The following EXT2 variants were observed in gnomAD, a reference collection of about 807,000 sequenced individuals.
EXT2 encodes exostosin glycosyltransferase 2.
EXT2 carries 53 observed loss-of-function variants against 81.6 expected under a neutral mutation model. The observed-to-expected ratio is 0.65, with a 90% confidence interval of 0.52 to 0.82. EXT2 has a LOEUF of 0.82. Among genes scored for constraint, EXT2 ranks in the 40% least tolerant of loss-of-function variants. EXT2 has a pLI of 0.00. For synonymous variants in EXT2, 320 were observed against 340.0 expected (o/e 0.94, Z 0.65); for missense variants, 774 against 910.2 (o/e 0.85, Z 1.93).
chr11:44,194,958 AC>A (rs1955437930), intron 8 of EXT2, among the ~76,000 whole-genome samples: 1 of 152,134 alleles, frequency 6.6e-6, no homozygotes, highest in Non-Finnish European at 1.5e-5. Context: ...CTACTTTCTG[AC>A]TTCAGTTTCC....
At chr11:44,240,396 T>C (rs530308778) in intron 13 of EXT2, among the ~76,000 whole-genome samples, 1 of 152,204 alleles carries the variant, frequency 6.6e-6, no homozygotes, top group South Asian at 2.1e-4. Context: ...TGTTGGTACC[T>C]TACAAAAATA....
Position 44,216,196 on chromosome 11 carries a change from G to A in EXT2, c.1662+9237G>A, listed in dbSNP as rs570675177. Among the ~76,000 whole-genome samples the A allele has an allele frequency of 6.6e-5, 10 of 152,288 alleles. No homozygotes were observed. The South Asian group carries it at 1.7e-3, about 25-fold the overall frequency. ...CGGCCCCATTTGGGAATTTTTAAGA[G>A]AAGGAAGCCAGCAATCCCCCAGCAT... On this transcript the variant is annotated intron_variant, in intron 10 of 13. Transcript: ENST00000533608.
chr11:44,124,473 A>G (rs1272096914), intron 4 of EXT2, among the ~76,000 whole-genome samples: 1 of 151,844 alleles, frequency 6.6e-6, no homozygotes, highest in Non-Finnish European at 1.5e-5. Context: ...ACACACACAC[A>G]CACACACACA....
At chr11:44,185,134 A>G (rs953082857) in intron 8 of EXT2, among the ~76,000 whole-genome samples, 5 of 152,174 alleles carry the variant, frequency 3.3e-5, no homozygotes, top group Non-Finnish European at 7.3e-5. Flanking sequence ...GATCTGGTTT[A>G]ATGTACAAGT....
intron 10 of EXT2, among the ~76,000 whole-genome samples, chr11:44,211,631 G>T (rs937576462): frequency 2.6e-5 from 4 of 152,222 alleles, no homozygotes; most frequent in African/African-American, 7.2e-5. Context: ...AGAAAGGCAG[G>T]TAAAGGGGAA....
Position 44,245,206 on chromosome 11 carries a change from G to A in EXT2, c.*919G>A, listed in dbSNP as rs535005349. On this transcript the variant is annotated 3_prime_UTR_variant, in exon 14 of 14. Transcript: ENST00000533608. ...AAGGTATTGTCAGAGAAAAACAGAGGGTCTGTACTAGCCATGCAAGGAGTC... is the reference window on the plus strand; with the variant it reads ...AAGGTATTGTCAGAGAAAAACAGAGAGTCTGTACTAGCCATGCAAGGAGTC... 4 of 228,570 alleles carry A rather than the reference G, an allele frequency of 1.8e-5. No individual in the cohort carries two copies. The highest frequency in any genetic ancestry group is 8.9e-5 in the African/African-American group (4 of 45,140). 14.2% of individuals were successfully genotyped at this position (228,570 alleles called of 1,614,324 possible).
intron 9 of EXT2, among the ~76,000 whole-genome samples, chr11:44,200,373 C>A (rs1955508959): frequency 6.7e-6 from 1 of 150,344 alleles, no homozygotes; most frequent in South Asian, 2.1e-4. Context: ...GTCCAAATTT[C>A]TGGGTTTTAA....
chr11:44,234,163 T>G lies in EXT2; in HGVS notation c.1855T>G (p.Trp619Gly), dbSNP rs1554940857. 6.2e-7 allele frequency: 1 copy of G among 1,614,160 alleles called. No homozygotes were observed. Among genetic ancestry groups the G allele is most frequent in the Non-Finnish European group, 8.5e-7 (1 of 1,180,014 alleles). ...TYKMPGDIKN[W>G]VDAHMNCEDI... is the part of the protein sequence containing the mutation. Reference sequence around the variant, plus strand: ...CAAAATGCCTGGGGATATCAAGAACTGGGTAGATGCTCATATGAACTGTGA... The same window carrying G: ...CAAAATGCCTGGGGATATCAAGAACGGGGTAGATGCTCATATGAACTGTGA... The change falls in exon 12 of 14, where the codon TGG (tryptophan) becomes GGG (glycine). Residue 619 changes from tryptophan (W) to glycine (G), a missense_variant. By Grantham distance (184) the Trp-to-Gly change is radical. Transcript: ENST00000533608.
rs1956097574 is a variant in EXT2, at chr11:44,246,792, AC to A, written c.*2508del. Reference sequence around the variant, plus strand: ...TCTGAGCTGCTAACCAGCAAACCTCACCCATAAGCTTAGGTCAGGATCATCT... The same window carrying A: ...TCTGAGCTGCTAACCAGCAAACCTCACCATAAGCTTAGGTCAGGATCATCT... On this transcript the variant is annotated 3_prime_UTR_variant, in exon 14 of 14. Coordinates refer to ENST00000533608, the MANE Select transcript of EXT2 (RefSeq NM_207122.2). 6.6e-6 allele frequency among the ~76,000 whole-genome samples: 1 copy of A among 152,212 alleles called. No homozygotes were observed.
intron 1 of EXT2, among the ~76,000 whole-genome samples, chr11:44,102,344 T>G (rs1369521888): frequency 6.6e-6 from 1 of 152,082 alleles, no homozygotes; most frequent in African/African-American, 2.4e-5. Context: ...AGCTGTATTC[T>G]AAATGAGTCT....
intron 7 of EXT2, among the ~76,000 whole-genome samples, chr11:44,147,688 G>C (rs1407344793): frequency 6.7e-6 from 1 of 148,742 alleles, no homozygotes; most frequent in East Asian, 2.0e-4. Flanking sequence ...AGCCTCCCGT[G>C]TAGCTGGGAC....
intron 2 of EXT2, 64 bp from the exon 3 acceptor site, chr11:44,109,130 T>G: frequency 6.4e-7 from 1 of 1,563,640 alleles, no homozygotes; most frequent in Non-Finnish European, 8.8e-7. Flanking sequence ...TGTTGTCTAG[T>G]AACTGACTCT....
intron 10 of EXT2, among the ~76,000 whole-genome samples, chr11:44,209,437 T>C (rs2135210941): frequency 6.6e-6 from 1 of 152,296 alleles, no homozygotes; most frequent in South Asian, 2.1e-4. Context: ...ATGAACGAGA[T>C]TGTTGTTTTC....
intron 9 of EXT2, among the ~76,000 whole-genome samples, chr11:44,205,392 G>A (rs907326311): frequency 3.3e-5 from 5 of 152,118 alleles, no homozygotes; most frequent in South Asian, 2.1e-4. Flanking sequence ...GATATTTTTC[G>A]ATTATGTGCC....
intron 4 of EXT2, among the ~76,000 whole-genome samples, chr11:44,118,035 A>G (rs531764598): frequency 1.1e-3 from 163 of 152,352 alleles, no homozygotes; most frequent in African/African-American, 3.8e-3. Flanking sequence ...TATTTTTGTT[A>G]TAAGTAAATA....
intron 10 of EXT2, among the ~76,000 whole-genome samples, chr11:44,223,602 G>C (rs1055102311): frequency 1.3e-5 from 2 of 151,658 alleles, no homozygotes; most frequent in Non-Finnish European, 2.9e-5. Flanking sequence ...ATGGAGGACA[G>C]ATGGGTGCTT....
chr11:44,124,560 G>A (rs910219134), intron 4 of EXT2, among the ~76,000 whole-genome samples: 1 of 151,764 alleles, frequency 6.6e-6, no homozygotes, highest in Non-Finnish European at 1.5e-5. Context: ...CAAATAAGAT[G>A]TGTTATGATT....
intron 7 of EXT2, among the ~76,000 whole-genome samples, chr11:44,151,130 A>T (rs761056769): frequency 3.3e-5 from 5 of 152,168 alleles, no homozygotes; most frequent in Non-Finnish European, 7.4e-5. Context: ...CAGAAACTAC[A>T]AAGAGTTCCC....
In EXT2 at chr11:44,245,729, C is replaced by G. The variant is rs1019227519; in HGVS notation, c.*1442C>G. ...TATGCTGTAGTTTCATCAAGAGTCACTTCAGATGTGTTCCCCAGACTTTGA... is the reference window on the plus strand; with the variant it reads ...TATGCTGTAGTTTCATCAAGAGTCAGTTCAGATGTGTTCCCCAGACTTTGA... On this transcript the variant is annotated 3_prime_UTR_variant, in exon 14 of 14. Transcript: ENST00000533608. Among the ~76,000 whole-genome samples the G allele has an allele frequency of 6.6e-6, 1 of 152,210 alleles. No homozygotes were observed. Among genetic ancestry groups the G allele is most frequent in the Non-Finnish European group, 1.5e-5 (1 of 68,040 alleles).
Sources: gnomAD v4.1 joint callset for allele counts (sites outside exome capture counted in the v4.1 genomes callset) on GRCh38, gnomAD v4.1.1 for gene constraint, MANE v1.5 for transcripts, NCBI Gene and HGNC (gene_info 2026-07-23, HGNC 2026-07-21) for gene names.